The following GPR89B variants were observed in gnomAD, a reference collection of about 807,000 sequenced individuals.
The protein encoded by GPR89B is G protein-coupled receptor 89B.
GPR89B carries 25 observed loss-of-function variants against 52.4 expected under a neutral mutation model. The ratio of observed to expected loss-of-function variants is 0.48; its 90% CI spans 0.35 to 0.67. The LOEUF (loss-of-function observed/expected upper bound fraction) is 0.67, where lower values mean the gene tolerates loss of function less well. GPR89B is among the 30% of genes least tolerant of loss of function. The probability of loss-of-function intolerance (pLI) is 0.01; values close to 1 mark genes in which losing one functional copy is unlikely to be tolerated. For missense variants in GPR89B, 146 were observed against 450.2 expected, an observed-to-expected ratio of 0.32 and a Z score of 6.11; for synonymous variants, 52 against 151.2, an observed-to-expected ratio of 0.34 and a Z score of 4.81.
chr1:147,968,597 C>A (rs1369759462), intron 8 of GPR89B: 2 of 535,754 alleles, frequency 3.7e-6, no homozygotes, highest in East Asian at 3.4e-5. Context: ...CTAGATAAAT[C>A]AAAAAACAAA....
At chr1:147,948,821 AG>A (rs1553250234) in intron 5 of GPR89B, among the ~76,000 whole-genome samples, 1 of 147,296 alleles carries the variant, frequency 6.8e-6, no homozygotes, top group African/African-American at 2.5e-5. Context: ...GGGATTTGGC[AG>A]GGTCATAGGA....
At chr1:148,000,792 AAAAC>A in the GPR89B span, among the ~76,000 whole-genome samples, 2,991 of 143,474 alleles carry the variant, frequency 0.021, 38 homozygotes, top group Non-Finnish European at 0.028. Context: ...AAAAAAAAAA[AAAAC>A]AACAACAAAA....
chr1:147,999,880 C>G, the GPR89B span, among the ~76,000 whole-genome samples: 1 of 152,144 alleles, frequency 6.6e-6, no homozygotes, highest in Non-Finnish European at 1.5e-5. Flanking sequence ...AGCTACTACC[C>G]CTCTCTTACA....
At chr1:147,979,458 T>C (rs1406908459) in intron 10 of GPR89B, among the ~76,000 whole-genome samples, 9,267 of 146,522 alleles carry the variant, frequency 0.063, 266 homozygotes, top group African/African-American at 0.14. Flanking sequence ...AGTCATCCTA[T>C]TGTTATTCCT....
At chr1:147,983,398 A>C (rs1658415386) in intron 10 of GPR89B, among the ~76,000 whole-genome samples, 1 of 152,100 alleles carries the variant, frequency 6.6e-6, no homozygotes, top group African/African-American at 2.4e-5. Flanking sequence ...CAACCTACAG[A>C]ATGGGAGAAA....
At chr1:147,976,733 T>C (rs1187760164) in intron 10 of GPR89B, among the ~76,000 whole-genome samples, 12 of 152,018 alleles carry the variant, frequency 7.9e-5, no homozygotes, top group African/African-American at 2.9e-4. Flanking sequence ...AGTTGCTTCA[T>C]AGTGTCATTG....
At chr1:148,017,004 G>A in the GPR89B span, among the ~76,000 whole-genome samples, 1 of 151,366 alleles carries the variant, frequency 6.6e-6, no homozygotes, top group East Asian at 1.9e-4. Context: ...TGTCTTGCTT[G>A]CTTGCTTGCT....
chr1:147,990,384 C>T (rs1658971233), intron 12 of GPR89B, among the ~76,000 whole-genome samples: 1 of 152,016 alleles, frequency 6.6e-6, no homozygotes, highest in African/African-American at 2.4e-5. Context: ...AAAATTTTCT[C>T]CCATTCTGTA....
intron 5 of GPR89B, among the ~76,000 whole-genome samples, chr1:147,951,455 A>G (rs1297197883): frequency 1.3e-5 from 2 of 152,052 alleles, no homozygotes; most frequent in Non-Finnish European, 2.9e-5. Flanking sequence ...AAGTGACAAT[A>G]ACTATAAACT....
At chr1:147,981,459 G>A (rs1258976933) in intron 10 of GPR89B, among the ~76,000 whole-genome samples, 1 of 144,738 alleles carries the variant, frequency 6.9e-6, no homozygotes, top group Non-Finnish European at 1.5e-5. Flanking sequence ...AGCCGTGATT[G>A]TGCCACCACA....
rs782116575 is a variant in GPR89B at position 147,928,509 on chromosome 1, G to C, written c.-28G>C. 4 of 1,613,808 alleles carry C rather than the reference G, an allele frequency of 2.5e-6. No individual in the cohort carries two copies. Among genetic ancestry groups the C allele is most frequent in the Non-Finnish European group, 3.4e-6 (4 of 1,179,728 alleles). ...CTGTGGCCTCCGGGAGTGGGAAGTG[G>C]AGGCAGGAGCCTTCCTTACACTTCG... is the stretch of plus-strand genomic sequence containing the variant. On this transcript the variant is annotated 5_prime_UTR_variant, in exon 1 of 14. Transcript: ENST00000314163.
chr1:147,983,328 G>A (rs1658409793), intron 10 of GPR89B, among the ~76,000 whole-genome samples: 2 of 152,042 alleles, frequency 1.3e-5, no homozygotes, highest in Non-Finnish European at 2.9e-5. Context: ...TGACAAATGG[G>A]ATCTAATTAA....
chr1:147,952,170 A>T (rs1434164065), intron 5 of GPR89B, among the ~76,000 whole-genome samples: 1 of 152,128 alleles, frequency 6.6e-6, no homozygotes, highest in Non-Finnish European at 1.5e-5. Context: ...AGGATTAGTC[A>T]ATAGTGTGAG....
the GPR89B span, chr1:148,012,314 T>C: frequency 6.6e-6 from 1 of 151,222 alleles, no homozygotes; most frequent in Non-Finnish European, 1.5e-5. Flanking sequence ...TGCTGATTTG[T>C]GTAACGGAAA....
At chr1:147,972,032 A>G (rs1229039532) in intron 10 of GPR89B, among the ~76,000 whole-genome samples, 1 of 151,744 alleles carries the variant, frequency 6.6e-6, no homozygotes, top group African/African-American at 2.4e-5. Context: ...ATTATATATT[A>G]GTTTGTATTT....
intron 10 of GPR89B, among the ~76,000 whole-genome samples, chr1:147,972,783 A>G (rs1657564302): frequency 1.4e-5 from 2 of 148,120 alleles, no homozygotes; most frequent in Admixed American, 1.3e-4. Flanking sequence ...CCCAGCATCC[A>G]TTAGCTATTT....
chr1:148,009,534 T>G, the GPR89B span: 5 of 1,570,538 alleles, frequency 3.2e-6, no homozygotes, highest in East Asian at 1.1e-4. Flanking sequence ...CTCATAGGAA[T>G]CCCCATCCAG....
At chr1:147,951,862 C>A (rs1327925599) in intron 5 of GPR89B, among the ~76,000 whole-genome samples, 2 of 151,678 alleles carry the variant, frequency 1.3e-5, no homozygotes, top group Non-Finnish European at 2.9e-5. Context: ...GAGAAGTTAG[C>A]TTTGGATGCT....
At position 147,950,017 on chromosome 1, in the gene GPR89B, G is replaced by A. The variant is rs1167156470; in HGVS notation, c.416-3328G>A. On this transcript the variant is annotated intron_variant, in intron 5 of 13. Coordinates refer to ENST00000314163, the MANE Select transcript of GPR89B (RefSeq NM_016334.5). ...TCCCGGACGGGGCGGCTGGCCGGGC[G>A]GGGGGCTGACCTCCCCACCTCCCTC... Among the ~76,000 whole-genome samples, 348 of 146,060 alleles carry A rather than the reference G, an allele frequency of 2.4e-3. 4 individuals are homozygous for A. The highest frequency in any genetic ancestry group is 3.4e-3 in the Non-Finnish European group (225 of 66,062).
Sources: allele counts gnomAD v4.1 joint callset (sites outside exome capture counted in the v4.1 genomes callset), GRCh38; gene constraint gnomAD v4.1.1; transcripts MANE v1.5; gene names NCBI Gene and HGNC (gene_info 2026-07-23, HGNC 2026-07-21).